ZNF577: variants seen among roughly 807,000 people sequenced by gnomAD.
The protein encoded by ZNF577 is zinc finger protein 577.
ZNF577 carries 14 observed loss-of-function variants against 13.9 expected under a neutral mutation model. The observed-to-expected ratio is 1.00, with a 90% CI of 0.66 to 1.57. The LOEUF is 1.57. Among genes scored for constraint, ZNF577 ranks in the 40% most tolerant of loss-of-function variants. The pLI, the probability that ZNF577 is intolerant of heterozygous loss-of-function variation, is 0.00. For missense variants in ZNF577, 555 were observed against 579.2 expected, an observed-to-expected ratio of 0.96 and a Z score of 0.43; for synonymous variants, 203 against 202.9, an observed-to-expected ratio of 1.00 and a Z score of 0.00.
At chr19:51,858,693 TA>T (rs144469062) in intron 5 of ZNF577, among the ~76,000 whole-genome samples, 3,562 of 151,276 alleles carry the variant, frequency 0.024, 136 homozygotes, top group African/African-American at 0.082. Flanking sequence ...CACATGGAGG[TA>T]AAAAAAAACC....
At chr19:51,852,622 T>C (rs979066276) in intron 5 of ZNF577, among the ~76,000 whole-genome samples, 1 of 152,116 alleles carries the variant, frequency 6.6e-6, no homozygotes, top group African/African-American at 2.4e-5. Flanking sequence ...GCTAGAGAAG[T>C]GAAACTGGCT....
intron 8 of ZNF577, chr19:51,840,954 G>C (rs1239606676): frequency 1.3e-5 from 2 of 152,186 alleles, no homozygotes; most frequent in African/African-American, 4.8e-5. Context: ...GCAATGCACA[G>C]AGTAAGTTCC....
intron 9 of ZNF577, among the ~76,000 whole-genome samples, chr19:51,838,684 G>A (rs1226718996): frequency 6.7e-6 from 1 of 150,290 alleles, no homozygotes; most frequent in African/African-American, 2.4e-5. Context: ...CGTTTAACCT[G>A]ATCTGCTTTA....
Position 51,873,177 on chromosome 19 carries a change from C to T in ZNF577, c.813G>A (p.Gly271=). The part of the protein sequence containing the change: ...QRSHTGEKLY[G]CSVCGKAFSQ... The stretch of plus-strand genomic sequence containing the variant: ...AAAAGGCTTTCCCACACACACTGCA[C>T]CCATAGAGTTTCTCTCCAGTATGTG... The change falls in exon 6 of 6, where the codon GGG becomes GGA. Residue 271 remains glycine (G), a synonymous_variant. Transcript: ENST00000638348. 1 of 1,614,010 alleles carries T rather than the reference C, an allele frequency of 6.2e-7. No homozygotes were observed. Among genetic ancestry groups the T allele is most frequent in the Non-Finnish European group, 8.5e-7 (1 of 1,179,998 alleles).
rs1222388162 is a variant in ZNF577 at position 51,873,145 on chromosome 19, T to C, written c.845A>G (p.Lys282Arg). 6.2e-7 allele frequency: 1 copy of C among 1,614,070 alleles called. No individual in the cohort carries two copies. Among genetic ancestry groups the C allele is most frequent in the African/African-American group, 1.3e-5 (1 of 74,926 alleles). The change falls in exon 6 of 6, where the codon AAG becomes AGG. Residue 282 changes from lysine (K) to arginine (R), a missense_variant. Physicochemically the swap from Lys to Arg is conservative, Grantham distance 26. Coordinates refer to ENST00000638348, the MANE Select transcript of ZNF577 (RefSeq NM_001370449.1). ...TCTCTGGTGTGCAGTGAGGTATGCC[T>C]TCTGAGAAAAGGCTTTCCCACACAC... The part of the protein sequence containing the change: ...CSVCGKAFSQ[K>R]AYLTAHQRLH...
intron 9 of ZNF577, among the ~76,000 whole-genome samples, chr19:51,815,448 T>C (rs1475856852): frequency 1.3e-5 from 2 of 151,656 alleles, no homozygotes; most frequent in African/African-American, 4.8e-5. Context: ...TAGCCCCAGC[T>C]ACTCAGGAGA....
At chr19:51,853,378 G>A (rs2084389143) in intron 5 of ZNF577, among the ~76,000 whole-genome samples, 1 of 150,420 alleles carries the variant, frequency 6.6e-6, no homozygotes. Flanking sequence ...GGGACAACAA[G>A]TTTTGGCCAG....
At position 51,823,626 on chromosome 19, in the gene ZNF577, G is replaced by A. The variant is rs532792587; in HGVS notation, c.*600-11952C>T. The A allele has an allele frequency of 1.0e-3, 807 of 795,840 alleles. 1 individual carries two copies. Among genetic ancestry groups the A allele is most frequent in the Non-Finnish European group, 1.4e-3 (697 of 505,424 alleles). 49.3% of individuals were successfully genotyped at this position (795,840 alleles called of 1,614,324 possible). On this transcript the variant is annotated intron_variant and NMD_transcript_variant, in intron 9 of 10. Transcript: ENST00000638827. ...ATTTTATGTTATAACCATTCACAAG[G>A]CTCACTGGGGAGGGTCTGCTGGTAG...
At chr19:51,840,243 C>T (rs12462109) in intron 8 of ZNF577, 42,013 of 152,112 alleles carry the variant, frequency 0.28, 6,291 homozygotes, top group South Asian at 0.48. Context: ...TACTTCAAAT[C>T]TAGCAACAGC....
In ZNF577 at chr19:51,868,033, A is replaced by G. The variant is rs1459431607; in HGVS notation, c.*4499T>C. Among the ~76,000 whole-genome samples the G allele has an allele frequency of 6.6e-6, 1 of 152,218 alleles. No homozygotes were observed. The highest frequency in any genetic ancestry group is 1.5e-5 in the Non-Finnish European group (1 of 68,030). Reference sequence around the variant, plus strand: ...TCTACTCTGAGGTCTGGCAGGTTCTAGTATTTACAGACCCAAGTTCTAAAC... The same window carrying G: ...TCTACTCTGAGGTCTGGCAGGTTCTGGTATTTACAGACCCAAGTTCTAAAC... On this transcript the variant is annotated 3_prime_UTR_variant, in exon 6 of 6. Transcript: ENST00000638348.
At position 51,806,643 on chromosome 19, in the gene ZNF577, G is replaced by A. The variant is rs968681906; in HGVS notation, c.*818-1389C>T. Among the ~76,000 whole-genome samples the A allele has an allele frequency of 2.0e-5, 3 of 152,202 alleles. No homozygotes were observed. In the East Asian group the frequency reaches 5.8e-4, roughly 29 times the overall value. ...GTTTTATGGGTTATAGCCCAAAGCT[G>A]TAGGAAATTTTGAAAAGCATGACTA... is the stretch of plus-strand genomic sequence containing the variant. On this transcript the variant is annotated intron_variant and NMD_transcript_variant, in intron 10 of 10. Coordinates refer to the ZNF577 transcript ENST00000638827.
At position 51,813,592 on chromosome 19, in the gene ZNF577, G is replaced by A. The variant is rs550577402; in HGVS notation, c.*600-1918C>T. Among the ~76,000 whole-genome samples, 18 of 151,844 alleles carry A rather than the reference G, an allele frequency of 1.2e-4. No homozygotes were observed. The South Asian group carries it at 3.3e-3, about 28-fold the overall frequency. ...GTCACCTAGGCTGGAGTGCAGTGGC[G>A]TGATCTCGGCTCACTGCAAGCTCCA... is the stretch of plus-strand genomic sequence containing the variant. On this transcript the variant is annotated intron_variant and NMD_transcript_variant, in intron 9 of 10. Transcript: ENST00000638827.
At position 51,850,340 on chromosome 19, in the gene ZNF577, A is replaced by G. The variant is rs141150973; in HGVS notation, c.284-5409T>C. 1.4e-4 allele frequency among the ~76,000 whole-genome samples: 21 copies of G among 152,356 alleles called. No individual in the cohort carries two copies. The East Asian group carries it at 3.7e-3, about 27-fold the overall frequency. ...CTATGGTCACCCATGTGGATAGTCAATCACGTCTATGTGATTGAACCCAAG... is the reference window on the plus strand; with the variant it reads ...CTATGGTCACCCATGTGGATAGTCAGTCACGTCTATGTGATTGAACCCAAG... On this transcript the variant is annotated intron_variant and NMD_transcript_variant, in intron 5 of 10. Transcript: ENST00000638827.
At position 51,868,840 on chromosome 19, in the gene ZNF577, C is replaced by G. The variant is rs1267330263; in HGVS notation, c.*3692G>C. Among the ~76,000 whole-genome samples, 1 of 152,208 alleles carries G rather than the reference C, an allele frequency of 6.6e-6. No homozygotes were observed. The highest frequency in any genetic ancestry group is 2.4e-5 in the African/African-American group (1 of 41,448). ...GATGCTGTTAATCTGTAACCCTAGC[C>G]TCAACCCTGTGCTCGCAGAAACATG... is the stretch of plus-strand genomic sequence containing the variant. On this transcript the variant is annotated 3_prime_UTR_variant, in exon 6 of 6. Transcript: ENST00000638348.
chr19:51,882,479 T>TA (rs58821740), intron 1 of ZNF577, among the ~76,000 whole-genome samples: 584 of 128,214 alleles, frequency 4.6e-3, no homozygotes, highest in Admixed American at 5.6e-3. Flanking sequence ...CAGTATCCAA[T>TA]AAAAAAAAAA....
intron 5 of ZNF577, among the ~76,000 whole-genome samples, chr19:51,857,449 A>G (rs1008693923): frequency 5.3e-5 from 8 of 152,144 alleles, no homozygotes; most frequent in African/African-American, 1.9e-4. Context: ...AAAGAAAGGA[A>G]GGAGAAGAAA....
At chr19:51,886,778 C>T (rs2084953490) in intron 1 of ZNF577, 43 bp downstream of exon 1, 1 of 152,128 alleles carries the variant, frequency 6.6e-6, no homozygotes, top group African/African-American at 2.4e-5. Flanking sequence ...ACTATGACAG[C>T]TTTTTTCCAC....
In ZNF577 at chr19:51,872,734, G is replaced by A. The variant is rs1197806871; in HGVS notation, c.1256C>T (p.Ser419Phe). The change falls in exon 6 of 6, where the codon TCC (serine) becomes TTC (phenylalanine). Residue 419 changes from serine (S) to phenylalanine (F), a missense_variant. Physicochemically the swap from Ser to Phe is radical, Grantham distance 155 (BLOSUM62 -2). Coordinates refer to ENST00000638348, the MANE Select transcript of ZNF577 (RefSeq NM_001370449.1). ...TVNTVPIEMP[S>F]SGTPPLLNKS... ...GTTTAACAATGGCGGGGTTCCTGAG[G>A]AAGGCATTTCTATAGGTACTGTGTT... 1.2e-6 allele frequency: 2 copies of A among 1,614,092 alleles called. No individual in the cohort carries two copies. Among genetic ancestry groups the A allele is most frequent in the Non-Finnish European group, 1.7e-6 (2 of 1,180,036 alleles).
In ZNF577 at chr19:51,824,153, C is replaced by A. The variant is rs768829213; in HGVS notation, c.*600-12479G>T. ...TCCTGCATCCAGCCTGGGCCCAGAA[C>A]CATCGCACCATGAGTCTGGCCAAGA... On this transcript the variant is annotated intron_variant and NMD_transcript_variant, in intron 9 of 10. Transcript: ENST00000638827. The surrounding 1 kb of genome is among the most constrained non-coding windows in gnomAD (Gnocchi z 4.7). 1.9e-6 allele frequency: 3 copies of A among 1,613,994 alleles called. No homozygotes were observed. Among genetic ancestry groups the A allele is most frequent in the Middle Eastern group, 1.7e-4 (1 of 6,060 alleles).
Sources: allele counts gnomAD v4.1 joint callset (sites outside exome capture counted in the v4.1 genomes callset), GRCh38; gene constraint gnomAD v4.1.1; non-coding constraint Gnocchi (gnomAD v3.1); transcripts MANE v1.5; gene names NCBI Gene and HGNC (gene_info 2026-07-23, HGNC 2026-07-21).